The following NRXN1 variants were observed in gnomAD, a reference collection of about 807,000 sequenced individuals.
NRXN1 encodes neurexin-1.
NRXN1 carries 39 observed loss-of-function variants against 150.9 expected under a neutral mutation model. The ratio of observed to expected loss-of-function variants is 0.26; its 90% CI spans 0.20 to 0.34. The LOEUF (loss-of-function observed/expected upper bound fraction) is 0.34, where lower values mean the gene tolerates loss of function less well. Among genes scored for constraint, NRXN1 ranks in the 10% least tolerant of loss-of-function variants. The pLI is 1.00. For missense variants in NRXN1, 1,815 were observed against 1,949.9 expected (o/e 0.93, Z 1.30); for synonymous variants, 924 against 757.0 (o/e 1.22, Z -3.62).
At chr2:50,095,565 T>C (rs1700104480) in intron 18 of NRXN1, among the ~76,000 whole-genome samples, 1 of 152,130 alleles carries the variant, frequency 6.6e-6, no homozygotes, top group Non-Finnish European at 1.5e-5. Context: ...AGCATTGCAA[T>C]GTTAAAGGTG....
chr2:50,269,945 T>A (rs566119918), intron 17 of NRXN1, among the ~76,000 whole-genome samples: 1 of 152,232 alleles, frequency 6.6e-6, no homozygotes, highest in East Asian at 1.9e-4. Flanking sequence ...TTATTTGGAC[T>A]TACAAAAAGC....
intron 19 of NRXN1, among the ~76,000 whole-genome samples, chr2:50,073,053 A>G (rs930407082): frequency 1.3e-5 from 2 of 152,146 alleles, no homozygotes; most frequent in Non-Finnish European, 2.9e-5. Flanking sequence ...CTCTCTTTTG[A>G]TGTTCCTGGA....
chr2:50,209,706 A>C (rs998445737), intron 18 of NRXN1, among the ~76,000 whole-genome samples: 4 of 152,074 alleles, frequency 2.6e-5, no homozygotes, highest in African/African-American at 9.7e-5. Flanking sequence ...TGTTTCAATA[A>C]AAACATGGAA....
In NRXN1 at chr2:50,997,694, G is replaced by T. The variant is rs576051861; in HGVS notation, c.772+29808C>A. On this transcript the variant is annotated intron_variant, in intron 2 of 22. Coordinates refer to ENST00000401669, the MANE Select transcript of NRXN1 (RefSeq NM_001330078.2). ...AGGTAATTAAAAAAAAAAATTATCT[G>T]GAGACGGTTTTTGCTATGTTGCCCA... is the stretch of plus-strand genomic sequence containing the variant. Among the ~76,000 whole-genome samples the T allele has an allele frequency of 1.4e-5, 2 of 140,126 alleles. 1 individual carries two copies. The highest frequency in any genetic ancestry group is 6.1e-5 in the African/African-American group (2 of 32,986). The allele number at this position is 140,126 out of a possible 152,430, so 91.9% of individuals were successfully genotyped here. A position where few individuals can be genotyped will look rare whatever the true frequency, so the allele number is the denominator to read the frequency against.
At chr2:50,649,143 T>C (rs1051096622) in intron 5 of NRXN1, among the ~76,000 whole-genome samples, 1 of 151,894 alleles carries the variant, frequency 6.6e-6, no homozygotes, top group Non-Finnish European at 1.5e-5. Flanking sequence ...TGATGAACAA[T>C]AGTTAGAATT....
chr2:50,355,432 C>T (rs541196785), intron 17 of NRXN1, among the ~76,000 whole-genome samples: 1 of 151,958 alleles, frequency 6.6e-6, no homozygotes, highest in Admixed American at 6.6e-5. Flanking sequence ...ATATTAAGCC[C>T]TTTAAAATGT....
intron 12 of NRXN1, among the ~76,000 whole-genome samples, chr2:50,521,930 C>T (rs955633859): frequency 7.9e-5 from 12 of 151,952 alleles, no homozygotes; most frequent in Admixed American, 7.2e-4. Flanking sequence ...ATTTGTCCAA[C>T]GGGACAAGGA....
intron 5 of NRXN1, among the ~76,000 whole-genome samples, chr2:50,763,760 T>C (rs963614389): frequency 5.3e-5 from 8 of 151,900 alleles, no homozygotes; most frequent in Non-Finnish European, 8.8e-5. Flanking sequence ...AGATCTCCCA[T>C]ACAGAGTAAT....
At chr2:50,682,186 C>T (rs1690505293) in intron 5 of NRXN1, among the ~76,000 whole-genome samples, 1 of 152,188 alleles carries the variant, frequency 6.6e-6, no homozygotes, top group South Asian at 2.1e-4. Context: ...AAACTCATTC[C>T]TCCTTGCAAA....
At chr2:50,540,558 TGAGA>T (rs2093365404) in intron 9 of NRXN1, among the ~76,000 whole-genome samples, 1 of 152,124 alleles carries the variant, frequency 6.6e-6, no homozygotes, top group African/African-American at 2.4e-5. Flanking sequence ...TAGAATATGA[TGAGA>T]AAGAGTGTCT....
chr2:50,481,359 C>A (rs956425002), intron 15 of NRXN1, among the ~76,000 whole-genome samples: 2 of 152,176 alleles, frequency 1.3e-5, no homozygotes, highest in African/African-American at 4.8e-5. Context: ...GACTCATCTG[C>A]ATAATAATGG....
At chr2:49,986,895 C>A (rs991616978) in intron 21 of NRXN1, among the ~76,000 whole-genome samples, 2 of 152,128 alleles carry the variant, frequency 1.3e-5, no homozygotes, top group Middle Eastern at 3.4e-3. Flanking sequence ...AAAACCCCAT[C>A]TCTACAAAAA....
chr2:50,186,174 A>G lies in NRXN1; in HGVS notation c.3546+50615T>C, dbSNP rs556196837. Among the ~76,000 whole-genome samples, 3 of 152,216 alleles carry G rather than the reference A, an allele frequency of 2.0e-5. No individual in the cohort carries two copies. In the South Asian group the frequency reaches 6.2e-4, roughly 32 times the overall value. ...AACAAATAAAATGGCTCTTGTGGCC[A>G]TAACTCTCACAAAGAAAATTATTTC... On this transcript the variant is annotated intron_variant, in intron 18 of 22. Transcript: ENST00000401669.
At chr2:50,695,258 G>T (rs1692654338) in intron 5 of NRXN1, among the ~76,000 whole-genome samples, 1 of 152,024 alleles carries the variant, frequency 6.6e-6, no homozygotes, top group South Asian at 2.1e-4. Flanking sequence ...TATTTTAATT[G>T]TATTATTTAC....
At chr2:51,022,071 C>CTATAT (rs1189821013) in intron 2 of NRXN1, among the ~76,000 whole-genome samples, 2 of 152,082 alleles carry the variant, frequency 1.3e-5, no homozygotes, top group East Asian at 3.9e-4. Flanking sequence ...GGTAATGGAT[C>CTATAT]ATTATTATAC....
chr2:50,202,386 G>A (rs1216082877), intron 18 of NRXN1, among the ~76,000 whole-genome samples: 1 of 152,044 alleles, frequency 6.6e-6, no homozygotes, highest in Non-Finnish European at 1.5e-5. Flanking sequence ...GGCACCTGTA[G>A]TCCCAGCTAC....
intron 2 of NRXN1, among the ~76,000 whole-genome samples, chr2:50,927,674 C>G (rs900172602): frequency 6.6e-6 from 1 of 151,846 alleles, no homozygotes; most frequent in African/African-American, 2.4e-5. Flanking sequence ...GAAATTGTAT[C>G]TTCTGTTTAA....
intron 5 of NRXN1, among the ~76,000 whole-genome samples, chr2:50,742,532 C>T (rs1432745804): frequency 1.3e-5 from 2 of 148,152 alleles, no homozygotes; most frequent in East Asian, 2.0e-4. Context: ...CGTTTGAGCC[C>T]GGGAGGCGGA....
chr2:50,936,921 G>A (rs145334102), intron 2 of NRXN1, among the ~76,000 whole-genome samples: 253 of 152,082 alleles, frequency 1.7e-3, no homozygotes, highest in African/African-American at 5.9e-3. Flanking sequence ...AAGAAACTAC[G>A]AATCATTGGA....
Sources: gnomAD v4.1 joint callset for allele counts (sites outside exome capture counted in the v4.1 genomes callset) on GRCh38, gnomAD v4.1.1 for gene constraint, MANE v1.5 for transcripts, NCBI Gene and HGNC (gene_info 2026-07-23, HGNC 2026-07-21) for gene names.